The following DMD variants were observed in gnomAD, a reference collection of about 807,000 sequenced individuals.
DMD encodes dystrophin, also known as mutant dystrophin.
In DMD, 63 loss-of-function variants were observed where a neutral mutation model predicts 330.1. That is an observed-to-expected ratio of 0.19 (90% CI 0.16 to 0.24). The LOEUF (loss-of-function observed/expected upper bound fraction) is 0.24. Ranked by LOEUF, DMD falls within the 10% of genes least tolerant of loss-of-function variation. The probability of loss-of-function intolerance (pLI) is 1.00; values close to 1 mark genes in which losing one functional copy is unlikely to be tolerated. For missense variants in DMD, 3,344 were observed against 2,684.1 expected (o/e 1.25, Z -5.43); for synonymous variants, 1,223 against 959.8 (o/e 1.27, Z -5.07).
intron 50 of DMD, among the ~76,000 whole-genome samples, chrX:31,782,594 T>TA (rs768498645): frequency 9.2e-4 from 94 of 102,265 alleles, no homozygotes; most frequent in Non-Finnish European, 1.5e-3. Flanking sequence ...AATCATGAGC[T>TA]AAAAAAAAAA....
intron 55 of DMD, among the ~76,000 whole-genome samples, chrX:31,622,873 T>TAC (rs1288547854): frequency 5.4e-3 from 466 of 86,828 alleles, no homozygotes; most frequent in Non-Finnish European, 9.1e-3. Flanking sequence ...TATATATATA[T>TAC]ATATACACAC....
At chrX:32,626,951 A>G (rs1202897425) in intron 11 of DMD, among the ~76,000 whole-genome samples, 1 of 105,622 alleles carries the variant, frequency 9.5e-6, no homozygotes, top group Non-Finnish European at 1.9e-5. Flanking sequence ...ATTTATATAA[A>G]TAATGCCTTA....
At chrX:33,137,810 A>G (rs2095536159) in intron 1 of DMD, among the ~76,000 whole-genome samples, 1 of 112,057 alleles carries the variant, frequency 8.9e-6, no homozygotes. Context: ...TAATGAAGGA[A>G]CAGAAGATGA....
chrX:32,302,608 T>C (rs191289089), intron 42 of DMD, among the ~76,000 whole-genome samples: 2 of 111,958 alleles, frequency 1.8e-5, no homozygotes, highest in Non-Finnish European at 3.8e-5. Context: ...TTTTAAGATA[T>C]AAATATGCAA....
At chrX:32,582,882 A>G (rs1214052640) in intron 13 of DMD, among the ~76,000 whole-genome samples, 2 of 111,323 alleles carry the variant, frequency 1.8e-5, no homozygotes, top group Non-Finnish European at 3.8e-5. Flanking sequence ...ATCTTTCTCA[A>G]GGACCTAGGA....
intron 1 of DMD, among the ~76,000 whole-genome samples, chrX:33,079,520 A>T (rs2094894995): frequency 8.9e-6 from 1 of 111,733 alleles, no homozygotes; most frequent in Admixed American, 9.6e-5. Flanking sequence ...ATCTCAGAAC[A>T]TATGTCAATC....
At chrX:31,709,078 C>A (rs1458671939) in intron 52 of DMD, among the ~76,000 whole-genome samples, 3 of 111,745 alleles carry the variant, frequency 2.7e-5, no homozygotes, top group Admixed American at 9.5e-5. Flanking sequence ...TCAGGACCAG[C>A]CTGACCAACA....
chrX:32,758,295 T>C lies in DMD; in HGVS notation c.649+51198A>G, dbSNP rs1367383514. On this transcript the variant is annotated intron_variant, in intron 7 of 78. Transcript: ENST00000357033. Reference sequence around the variant, plus strand: ...GCAGTGGTGATACATTTTAATTCTTTAGCTTTAGGGGCCAGAGAGGGAAGA... The same window carrying C: ...GCAGTGGTGATACATTTTAATTCTTCAGCTTTAGGGGCCAGAGAGGGAAGA... Among the ~76,000 whole-genome samples, 3 of 111,562 alleles carry C rather than the reference T, an allele frequency of 2.7e-5. No homozygotes were observed. In the East Asian group the frequency reaches 8.6e-4, roughly 32 times the overall value.
chrX:31,757,197 T>G (rs1379114149), intron 51 of DMD, among the ~76,000 whole-genome samples: 1 of 111,861 alleles, frequency 8.9e-6, no homozygotes, highest in Non-Finnish European at 1.9e-5. Flanking sequence ...AACAATATCA[T>G]GTAGTACATA....
chrX:32,672,789 T>C (rs1053194137), intron 9 of DMD, among the ~76,000 whole-genome samples: 8 of 110,411 alleles, frequency 7.2e-5, no homozygotes, highest in Non-Finnish European at 1.3e-4. Context: ...CAAAACTGTA[T>C]AGGGAAAGAA....
intron 1 of DMD, among the ~76,000 whole-genome samples, chrX:33,262,255 A>G (rs767941398): frequency 9.0e-6 from 1 of 111,588 alleles, no homozygotes; most frequent in African/African-American, 3.2e-5. Flanking sequence ...GAATTAGAAG[A>G]TACTAATGAA....
intron 18 of DMD, among the ~76,000 whole-genome samples, chrX:32,508,840 T>A (rs2044930739): frequency 9.1e-6 from 1 of 110,390 alleles, no homozygotes; most frequent in Non-Finnish European, 1.9e-5. Context: ...AGACGGAGTC[T>A]CGCTCTGTCG....
chrX:31,510,506 C>CTTTTTTTTTTTTTTTT (rs756448666), intron 55 of DMD, among the ~76,000 whole-genome samples: 4 of 84,498 alleles, frequency 4.7e-5, no homozygotes, highest in African/African-American at 9.4e-5. Context: ...TCTGACTGCT[C>CTTTTTTTTTTTTTTTT]TTTTTTTTTT....
In DMD at chrX:32,823,358, G is replaced by A. The variant is rs965301743; in HGVS notation, c.294C>T (p.Asp98=). Residue 98 remains aspartate (D), a synonymous_variant, in exon 5 of 79, where the codon GAC becomes GAT. Coordinates refer to ENST00000357033, the MANE Select transcript of DMD (RefSeq NM_004006.3). ...NVDLVNIGST[D]IVDGNHKLTL... ...TCAGTTTATGATTTCCATCTACGAT[G>A]TCAGTACTTCCAATATTCACTAAAT... 2 of 1,208,163 alleles carry A rather than the reference G, an allele frequency of 1.7e-6. No homozygotes were observed. The highest frequency in any genetic ancestry group is 3.0e-5 in the East Asian group (1 of 33,728).
intron 29 of DMD, among the ~76,000 whole-genome samples, chrX:32,423,089 A>G (rs1160083175): frequency 9.0e-6 from 1 of 111,403 alleles, no homozygotes; most frequent in Non-Finnish European, 1.9e-5. Flanking sequence ...GAGAAACTTC[A>G]ATCCAAAAAT....
chrX:32,696,180 G>A (rs1485137111), intron 9 of DMD, among the ~76,000 whole-genome samples: 4 of 111,732 alleles, frequency 3.6e-5, no homozygotes, highest in Non-Finnish European at 5.6e-5. Flanking sequence ...ATCAGATCCA[G>A]CCTGTCTTGA....
intron 21 of DMD, among the ~76,000 whole-genome samples, chrX:32,478,387 T>G (rs145847837): frequency 0.011 from 1,200 of 111,694 alleles, 7 homozygotes; most frequent in African/African-American, 0.037. Flanking sequence ...ATGATCAATC[T>G]AAAGTCAAGG....
At chrX:31,365,762 A>G (rs1381739337) in intron 60 of DMD, among the ~76,000 whole-genome samples, 1 of 112,767 alleles carries the variant, frequency 8.9e-6, no homozygotes, top group African/African-American at 3.2e-5. Flanking sequence ...GTCTGCTATG[A>G]CACCAAAGTA....
chrX:32,137,446 A>T (rs1185875021), intron 44 of DMD, among the ~76,000 whole-genome samples: 2 of 111,779 alleles, frequency 1.8e-5, no homozygotes, highest in Non-Finnish European at 3.8e-5. Context: ...TACTCCATCC[A>T]CTAAACATAG....
Sources: allele counts gnomAD v4.1 joint callset (sites outside exome capture counted in the v4.1 genomes callset), GRCh38; gene constraint gnomAD v4.1.1; transcripts MANE v1.5; gene names NCBI Gene and HGNC (gene_info 2026-07-23, HGNC 2026-07-21).